ZNF766: variants seen among roughly 807,000 people sequenced by gnomAD.
ZNF766 encodes the protein zinc finger protein 766.
In ZNF766, 13 loss-of-function variants were observed where a neutral mutation model predicts 13.2. The ratio of observed to expected loss-of-function variants is 0.98; its 90% CI spans 0.64 to 1.56. The LOEUF is 1.56. Ranked by LOEUF, ZNF766 falls within the 40% of genes most tolerant of loss-of-function variation. The pLI is 0.00. For synonymous variants in ZNF766, 178 were observed against 187.6 expected (o/e 0.95, Z 0.42); for missense variants, 521 against 552.2 (o/e 0.94, Z 0.57).
Position 52,290,337 on chromosome 19 carries a change from TAGG to T in ZNF766, c.549_551del (p.Arg184del). ...TGTCACAAGAACAGAAAGCACACATTAGGAGAAAACCTTACGAATGTAATGAGC... is the reference window on the plus strand; with the variant it reads ...TGTCACAAGAACAGAAAGCACACATTAGAAAACCTTACGAATGTAATGAGC... On this transcript the variant is annotated inframe_deletion, in exon 4 of 4. Transcript: ENST00000439461. 2 of 1,614,088 alleles carry T rather than the reference TAGG, an allele frequency of 1.2e-6. No individual in the cohort carries two copies. The highest frequency in any genetic ancestry group is 1.7e-6 in the Non-Finnish European group (2 of 1,180,010).
chr19:52,280,807 C>G (rs1981470549), intron 1 of ZNF766, among the ~76,000 whole-genome samples: 1 of 151,544 alleles, frequency 6.6e-6, no homozygotes, highest in African/African-American at 2.4e-5. Flanking sequence ...GTCTTGGTCT[C>G]CTGACCCCAT....
intron 1 of ZNF766, among the ~76,000 whole-genome samples, chr19:52,280,685 C>T (rs939753117): frequency 6.6e-6 from 1 of 151,954 alleles, no homozygotes. Context: ...TGGGTTCAAG[C>T]GGTTCTTCTG....
At chr19:52,283,480 C>T (rs1981646465) in intron 3 of ZNF766, 67 bp downstream of exon 3, 13 of 1,482,886 alleles carry the variant, frequency 8.8e-6, no homozygotes, top group Non-Finnish European at 1.1e-5. Flanking sequence ...GTCTCTGTTC[C>T]CCACACTGGA....
intron 1 of ZNF766, among the ~76,000 whole-genome samples, chr19:52,276,931 T>TGCA (rs1981231816): frequency 6.6e-6 from 1 of 151,962 alleles, no homozygotes; most frequent in Non-Finnish European, 1.5e-5. Context: ...ACTGCTGCAG[T>TGCA]GTGTGTGTGG....
intron 1 of ZNF766, 67 bp from the exon 2 acceptor site, chr19:52,282,044 T>G: frequency 6.4e-7 from 1 of 1,557,032 alleles, no homozygotes; most frequent in Middle Eastern, 1.7e-4. Flanking sequence ...TACAACCCTC[T>G]TCTCATTTCG....
intron 1 of ZNF766, chr19:52,277,482 T>G: frequency 6.4e-7 from 1 of 1,565,300 alleles, no homozygotes; most frequent in Non-Finnish European, 8.6e-7. Flanking sequence ...AAAAGTCATG[T>G]TATGTGAAGG....
rs183891829 is a variant in ZNF766, at chr19:52,295,908, A to G, written c.*4710A>G. 340 of 151,858 alleles carry G rather than the reference A, an allele frequency of 2.2e-3. 2 individuals are homozygous for G. The highest frequency in any genetic ancestry group is 7.8e-3 in the African/African-American group (321 of 41,408). The allele number at this position is 151,858 out of a possible 1,614,324, so 9.4% of individuals were successfully genotyped here. A position where few individuals can be genotyped will look rare whatever the true frequency, so the allele number is the denominator to read the frequency against. ...TTTGTTTTGTTTTTTGCTTTTCTAC[A>G]TAATTGTTTGGATAATCTTGTCAGT... On this transcript the variant is annotated 3_prime_UTR_variant, in exon 4 of 4. Coordinates refer to ENST00000439461, the MANE Select transcript of ZNF766 (RefSeq NM_001010851.3).
intron 1 of ZNF766, among the ~76,000 whole-genome samples, chr19:52,273,406 ATGT>A (rs1297916617): frequency 1.3e-5 from 2 of 152,144 alleles, no homozygotes; most frequent in Non-Finnish European, 2.9e-5. Flanking sequence ...TGGGAGAGAA[ATGT>A]TGGTGGCCTC....
At position 52,281,247 on chromosome 19, in the gene ZNF766, G is replaced by A. The variant is rs150196649; in HGVS notation, c.19-864G>A. ...TGTTCTACACTATTGGGCCGGGTGC[G>A]GTGGCTCATGCCTGTAATCCCAGCA... On this transcript the variant is annotated intron_variant, in intron 1 of 3. Coordinates refer to ENST00000439461, the MANE Select transcript of ZNF766 (RefSeq NM_001010851.3). Among the ~76,000 whole-genome samples the A allele has an allele frequency of 2.2e-3, 330 of 152,092 alleles. 1 individual carries two copies. Among genetic ancestry groups the A allele is most frequent in the African/African-American group, 7.4e-3 (307 of 41,486 alleles).
rs1343567759 is a variant in ZNF766, at chr19:52,290,455, A to G, written c.664A>G (p.Lys222Glu). ...ACCTAACAGATGTCATGAATGTGGT[A>G]AAACCGTCAGGGACAAGTCAGGCCT... ...DKPNRCHECG[K>E]TVRDKSGLAE... The change falls in exon 4 of 4, where the codon AAA becomes GAA. Residue 222 changes from lysine (K) to glutamate (E), a missense_variant. Lys to Glu is a moderately conservative substitution (Grantham distance 56). Coordinates refer to ENST00000439461, the MANE Select transcript of ZNF766 (RefSeq NM_001010851.3). 2.5e-6 allele frequency: 4 copies of G among 1,613,834 alleles called. No individual in the cohort carries two copies. The highest frequency in any genetic ancestry group is 3.4e-6 in the Non-Finnish European group (4 of 1,179,940).
In ZNF766 at chr19:52,290,084, GAA is replaced by G; in HGVS notation, c.294_295del (p.Ser99GlnfsTer28). 1 of 1,611,490 alleles carries G rather than the reference GAA, an allele frequency of 6.2e-7. No homozygotes were observed. Among genetic ancestry groups the G allele is most frequent in the Admixed American group, 1.7e-5 (1 of 59,782 alleles). The stretch of plus-strand genomic sequence containing the variant: ...TTCCTAGGGAGGAGCTGTGCAGTGA[GAA>G]GCAAAGCAGGAAACAAGCCTATTAC... On this transcript the variant is annotated frameshift_variant, in exon 4 of 4. Coordinates refer to ENST00000439461, the MANE Select transcript of ZNF766 (RefSeq NM_001010851.3). LOFTEE classifies it low-confidence loss of function (END_TRUNC).
intron 3 of ZNF766, among the ~76,000 whole-genome samples, chr19:52,284,349 A>T (rs915771699): frequency 1.3e-5 from 2 of 152,068 alleles, no homozygotes; most frequent in Non-Finnish European, 2.9e-5. Context: ...TACTGGGAAG[A>T]CCTGATGGGG....
chr19:52,271,315 T>C (rs1980962346), intron 1 of ZNF766, among the ~76,000 whole-genome samples: 1 of 152,170 alleles, frequency 6.6e-6, no homozygotes, highest in Admixed American at 6.5e-5. Context: ...TATCTCCAGG[T>C]AGATACTATC....
intron 3 of ZNF766, among the ~76,000 whole-genome samples, chr19:52,289,600 A>G (rs956720205): frequency 2.0e-5 from 3 of 152,120 alleles, no homozygotes; most frequent in African/African-American, 7.2e-5. Flanking sequence ...GCTCCATTGC[A>G]TCACCCTACC....
intron 1 of ZNF766, among the ~76,000 whole-genome samples, chr19:52,279,361 T>A (rs931312554): frequency 6.6e-6 from 1 of 152,354 alleles, no homozygotes; most frequent in East Asian, 1.9e-4. Context: ...ATTTAGGCTC[T>A]TTTTTGATTG....
chr19:52,289,494 T>C (rs982181642), intron 3 of ZNF766, among the ~76,000 whole-genome samples: 1 of 152,152 alleles, frequency 6.6e-6, no homozygotes, highest in East Asian at 1.9e-4. Flanking sequence ...CTCATCCTGC[T>C]TTTTCTTAGA....
rs12462656 is a variant in ZNF766 at position 52,290,460 on chromosome 19, C to T, written c.669C>T (p.Thr223=). Residue 223 remains threonine, a synonymous_variant, in exon 4 of 4, where the codon ACC becomes ACT. Coordinates refer to ENST00000439461, the MANE Select transcript of ZNF766 (RefSeq NM_001010851.3). ...ACAGATGTCATGAATGTGGTAAAAC[C>T]GTCAGGGACAAGTCAGGCCTCGCAG... ...KPNRCHECGK[T]VRDKSGLAEH... The T allele has an allele frequency of 5.8e-3, 9,373 of 1,613,858 alleles. 750 individuals carry two copies. The Admixed American group carries it at 0.14, about 23-fold the overall frequency.
Position 52,290,010 on chromosome 19 carries a change from G to T in ZNF766, c.275-56G>T, listed in dbSNP as rs1982039156. ...AGCCAGACTCCAACTCAAAAAAAGT[G>T]CAAAAAACATGCCAGAACCATGGGT... On this transcript the variant is annotated intron_variant, in intron 3 of 3. Coordinates refer to ENST00000439461, the MANE Select transcript of ZNF766 (RefSeq NM_001010851.3). 6 of 1,521,660 alleles carry T rather than the reference G, an allele frequency of 3.9e-6. No homozygotes were observed. In the East Asian group the frequency reaches 1.4e-4, roughly 35 times the overall value. The allele number at this position is 1,521,660 out of a possible 1,614,324, so 94.3% of individuals were successfully genotyped here.
intron 3 of ZNF766, among the ~76,000 whole-genome samples, chr19:52,284,212 C>T (rs1039876753): frequency 1.3e-5 from 2 of 152,190 alleles, no homozygotes; most frequent in Non-Finnish European, 1.5e-5. Flanking sequence ...TCAAAGGAGT[C>T]CCTTTTCCCT....
Sources: allele counts gnomAD v4.1 joint callset (sites outside exome capture counted in the v4.1 genomes callset), GRCh38; gene constraint gnomAD v4.1.1; transcripts MANE v1.5; gene names NCBI Gene and HGNC (gene_info 2026-07-23, HGNC 2026-07-21).